The following CALCR variants were observed in gnomAD, a reference collection of about 807,000 sequenced individuals.
CALCR encodes calcitonin receptor.
A neutral mutation model predicts 59.5 loss-of-function variants in CALCR; 47 were observed. The observed-to-expected ratio is 0.79, with a 90% confidence interval of 0.63 to 1.01. CALCR has a LOEUF of 1.01. Among genes scored for constraint, CALCR ranks in the 50% least tolerant of loss-of-function variants. The pLI is 0.00. For synonymous variants in CALCR, 213 were observed against 211.3 expected (o/e 1.01, Z -0.07); for missense variants, 566 against 597.1 (o/e 0.95, Z 0.54).
intron 13 of CALCR, among the ~76,000 whole-genome samples, chr7:93,432,507 C>A (rs2115674771): frequency 6.6e-6 from 1 of 152,296 alleles, no homozygotes; most frequent in Admixed American, 6.5e-5. Flanking sequence ...ACACTTTTAC[C>A]TTCCCCCAGT....
intron 2 of CALCR, among the ~76,000 whole-genome samples, chr7:93,489,163 T>A (rs1172640068): frequency 6.6e-6 from 1 of 151,840 alleles, no homozygotes; most frequent in African/African-American, 2.4e-5. Context: ...CCCAAGTGAC[T>A]CCTGGGTAAA....
intron 2 of CALCR, among the ~76,000 whole-genome samples, chr7:93,525,858 A>G (rs912391789): frequency 2.6e-5 from 4 of 152,166 alleles, no homozygotes; most frequent in East Asian, 1.9e-4. Flanking sequence ...CTGATTTTGG[A>G]AAAAAAATCT....
chr7:93,508,917 T>G (rs1168379452), intron 2 of CALCR, among the ~76,000 whole-genome samples: 1 of 152,082 alleles, frequency 6.6e-6, no homozygotes, highest in Non-Finnish European at 1.5e-5. Flanking sequence ...GAGGAGTAAT[T>G]TCTGTAGCGC....
At chr7:93,447,738 ATTCAGAATGCCTTCCATCATC>A (rs1280619598) in intron 8 of CALCR, among the ~76,000 whole-genome samples, 2 of 151,990 alleles carry the variant, frequency 1.3e-5, no homozygotes, top group African/African-American at 4.8e-5. Flanking sequence ...CTATCTTGCC[ATTCAGAATGCCTTCCATCATC>A]TTCAGAATGC....
At chr7:93,538,119 G>C (rs1483437191) in intron 2 of CALCR, among the ~76,000 whole-genome samples, 1 of 151,916 alleles carries the variant, frequency 6.6e-6, no homozygotes, top group Admixed American at 6.6e-5. Flanking sequence ...AACTTAAATT[G>C]TTAATAAAGC....
chr7:93,559,358 A>G (rs1316848536), intron 2 of CALCR, among the ~76,000 whole-genome samples: 1 of 151,798 alleles, frequency 6.6e-6, no homozygotes, highest in Non-Finnish European at 1.5e-5. Context: ...ATTGCTGTTC[A>G]GCAGAACCAG....
intron 2 of CALCR, among the ~76,000 whole-genome samples, chr7:93,537,421 T>C (rs1037155655): frequency 6.6e-6 from 1 of 151,802 alleles, no homozygotes; most frequent in Non-Finnish European, 1.5e-5. Flanking sequence ...AAATGGGAAC[T>C]GAACTGATGT....
intron 11 of CALCR, among the ~76,000 whole-genome samples, chr7:93,437,318 C>A (rs950472226): frequency 3.3e-5 from 5 of 151,832 alleles, no homozygotes. Context: ...ATTTTATAAT[C>A]GTGAATTTAT....
chr7:93,520,103 G>A (rs1019987566), intron 2 of CALCR, among the ~76,000 whole-genome samples: 1 of 151,860 alleles, frequency 6.6e-6, no homozygotes, highest in Non-Finnish European at 1.5e-5. Context: ...TTCAGTTGTT[G>A]AAAAATATCA....
intron 2 of CALCR, among the ~76,000 whole-genome samples, chr7:93,565,950 T>C (rs1484493578): frequency 1.3e-5 from 2 of 152,236 alleles, no homozygotes; most frequent in Non-Finnish European, 2.9e-5. Context: ...ATTTAAAATT[T>C]AAATTTGGCA....
At chr7:93,473,581 C>G (rs1800601211) in intron 5 of CALCR, among the ~76,000 whole-genome samples, 1 of 105,412 alleles carries the variant, frequency 9.5e-6, no homozygotes, top group Non-Finnish European at 1.6e-5. Context: ...ACTGGTTTGG[C>G]CCCCCCCCCT....
intron 8 of CALCR, among the ~76,000 whole-genome samples, chr7:93,453,493 G>A (rs1013154181): frequency 5.9e-5 from 9 of 151,932 alleles, no homozygotes; most frequent in Admixed American, 3.9e-4. Context: ...ACTTCACAAC[G>A]TTCCAGCAAT....
At chr7:93,437,385 A>C (rs1799802854) in intron 11 of CALCR, among the ~76,000 whole-genome samples, 1 of 152,172 alleles carries the variant, frequency 6.6e-6, no homozygotes, top group African/African-American at 2.4e-5. Flanking sequence ...AGCAGTACTA[A>C]GTTTTAATGA....
intron 8 of CALCR, among the ~76,000 whole-genome samples, chr7:93,460,319 G>C (rs1220534102): frequency 6.6e-6 from 1 of 151,794 alleles, no homozygotes; most frequent in African/African-American, 2.4e-5. Flanking sequence ...ATTTTGGGAG[G>C]CCGAGGCAGG....
intron 2 of CALCR, among the ~76,000 whole-genome samples, chr7:93,507,953 T>C (rs747083879): frequency 6.6e-6 from 1 of 151,540 alleles, no homozygotes; most frequent in Non-Finnish European, 1.5e-5. Context: ...GAAAAAATTG[T>C]TCACATGGAC....
rs188998413 is a variant in CALCR, at chr7:93,466,391, T to C, written c.521+2324A>G. 7.5e-4 allele frequency among the ~76,000 whole-genome samples: 114 copies of C among 152,030 alleles called. 1 individual carries two copies. Among genetic ancestry groups the C allele is most frequent in the Admixed American group, 1.3e-3 (20 of 15,224 alleles). On this transcript the variant is annotated intron_variant, in intron 7 of 13. Transcript: ENST00000426151. ...ACTTTTAATGTTTCTGAAATTCAAA[T>C]ATAAAAAACATTAAAGGGTTAGGAT... is the stretch of plus-strand genomic sequence containing the variant.
intron 2 of CALCR, among the ~76,000 whole-genome samples, chr7:93,536,266 G>A (rs1427871477): frequency 1.3e-5 from 2 of 151,710 alleles, no homozygotes; most frequent in Non-Finnish European, 3.0e-5. Flanking sequence ...CTATTTCATG[G>A]AAGTGAATGG....
intron 2 of CALCR, among the ~76,000 whole-genome samples, chr7:93,560,784 C>T (rs1378634701): frequency 6.6e-6 from 1 of 152,042 alleles, no homozygotes; most frequent in Non-Finnish European, 1.5e-5. Flanking sequence ...GTTTGGGATG[C>T]ATATAGAATT....
At chr7:93,532,510 C>G (rs559437654) in intron 2 of CALCR, among the ~76,000 whole-genome samples, 1 of 152,098 alleles carries the variant, frequency 6.6e-6, no homozygotes, top group South Asian at 2.1e-4. Flanking sequence ...TGACAGGGTT[C>G]TTTACAGATG....
Sources: allele counts gnomAD v4.1 joint callset (sites outside exome capture counted in the v4.1 genomes callset), GRCh38; gene constraint gnomAD v4.1.1; transcripts MANE v1.5; gene names NCBI Gene and HGNC (gene_info 2026-07-23, HGNC 2026-07-21).